Variants in HS3ST4 observed in about 807,000 individuals in gnomAD.
The protein encoded by HS3ST4 is heparan sulfate glucosamine 3-O-sulfotransferase 4.
Under a neutral mutation model 29.2 loss-of-function variants are expected in HS3ST4, and 17 were observed. The ratio of observed to expected loss-of-function variants is 0.58; its 90% CI spans 0.40 to 0.87. The LOEUF (loss-of-function observed/expected upper bound fraction) is 0.87. Among genes scored for constraint, HS3ST4 ranks in the 40% least tolerant of loss-of-function variants. The pLI is 0.00. For missense variants in HS3ST4, 627 were observed against 634.5 expected (o/e 0.99, Z 0.13); for synonymous variants, 314 against 285.7 (o/e 1.10, Z -1.00).
chr16:25,702,161 A>AG (rs34831787), intron 1 of HS3ST4, among the ~76,000 whole-genome samples: 3 of 152,176 alleles, frequency 2.0e-5, no homozygotes, highest in Non-Finnish European at 2.9e-5. Flanking sequence ...AAAAGGAGAA[A>AG]GGGGGGAGGT....
intron 1 of HS3ST4, among the ~76,000 whole-genome samples, chr16:25,925,996 G>A (rs138831875): frequency 3.4e-4 from 51 of 151,946 alleles, no homozygotes; most frequent in Non-Finnish European, 6.0e-4. Flanking sequence ...CTTCCTATCT[G>A]TATAGTGAAT....
intron 1 of HS3ST4, among the ~76,000 whole-genome samples, chr16:26,090,157 A>G (rs1262129556): frequency 6.6e-6 from 1 of 152,148 alleles, no homozygotes; most frequent in Non-Finnish European, 1.5e-5. Context: ...TAATTTTACA[A>G]AAAAATGAAA....
rs869047078 is a variant in HS3ST4 at position 26,064,610 on chromosome 16, C to CTT, written c.735-70979_735-70978dup. 3.4e-3 allele frequency among the ~76,000 whole-genome samples: 303 copies of CTT among 88,898 alleles called. 1 individual carries two copies. Among genetic ancestry groups the CTT allele is most frequent in the South Asian group, 0.011 (23 of 2,084 alleles). The allele number at this position is 88,898 out of a possible 152,430, so 58.3% of individuals were successfully genotyped here. On this transcript the variant is annotated intron_variant, in intron 1 of 1. Transcript: ENST00000331351. ...CAGAGACAGCAGCTAGGATTGTAGTCTTTTTTTTTTTTTTTTTTTTTTTTG... is the reference window on the plus strand; with the variant it reads ...CAGAGACAGCAGCTAGGATTGTAGTCTTTTTTTTTTTTTTTTTTTTTTTTTTG...
intron 1 of HS3ST4, among the ~76,000 whole-genome samples, chr16:26,001,856 AT>A (rs1969214523): frequency 6.6e-6 from 1 of 152,118 alleles, no homozygotes; most frequent in Non-Finnish European, 1.5e-5. Context: ...GGGGAAGAAT[AT>A]TTAGGGGGGT....
At chr16:25,899,599 G>C (rs887221179) in intron 1 of HS3ST4, among the ~76,000 whole-genome samples, 1 of 151,976 alleles carries the variant, frequency 6.6e-6, no homozygotes, top group Non-Finnish European at 1.5e-5. Context: ...TCTGCCGTAC[G>C]TGTTCAAGCA....
In HS3ST4 at chr16:25,723,233, C is replaced by T. The variant is rs141467170; in HGVS notation, c.734+30082C>T. 6.3e-3 allele frequency among the ~76,000 whole-genome samples: 964 copies of T among 152,138 alleles called. 5 individuals carry two copies. Among genetic ancestry groups the T allele is most frequent in the Non-Finnish European group, 9.6e-3 (654 of 68,002 alleles). On this transcript the variant is annotated intron_variant, in intron 1 of 1. Coordinates refer to ENST00000331351, the MANE Select transcript of HS3ST4 (RefSeq NM_006040.3). ...CATGCAAAGCTCTAGAAAATAAACA[C>T]GATAAAGGAAGAAGATGTAGATTTT...
At chr16:25,844,279 T>G (rs1028085800) in intron 1 of HS3ST4, among the ~76,000 whole-genome samples, 1 of 152,256 alleles carries the variant, frequency 6.6e-6, no homozygotes, top group Non-Finnish European at 1.5e-5. Context: ...ATCGTTTTGT[T>G]GCTTATTAAA....
At chr16:26,051,009 C>A (rs753236327) in intron 1 of HS3ST4, among the ~76,000 whole-genome samples, 10 of 152,058 alleles carry the variant, frequency 6.6e-5, no homozygotes, top group Non-Finnish European at 1.5e-4. Flanking sequence ...TCGGGGATCT[C>A]CTTTAGGGAG....
chr16:25,873,542 C>CTCTA (rs796545076), intron 1 of HS3ST4, among the ~76,000 whole-genome samples: 1 of 147,276 alleles, frequency 6.8e-6, no homozygotes, highest in Non-Finnish European at 1.5e-5. Context: ...ATCTATCTTT[C>CTCTA]TCTATCTATC....
intron 1 of HS3ST4, among the ~76,000 whole-genome samples, chr16:26,115,737 G>A (rs766460522): frequency 7.2e-5 from 11 of 151,992 alleles, no homozygotes; most frequent in Admixed American, 2.6e-4. Context: ...TCTGGAATGG[G>A]ACAAAACATT....
chr16:25,799,528 A>C (rs922520710), intron 1 of HS3ST4, among the ~76,000 whole-genome samples: 1 of 152,154 alleles, frequency 6.6e-6, no homozygotes, highest in Non-Finnish European at 1.5e-5. Flanking sequence ...TCTGTGAACC[A>C]TCATCAACAA....
chr16:25,708,218 A>C (rs951255774), intron 1 of HS3ST4, among the ~76,000 whole-genome samples: 3 of 152,238 alleles, frequency 2.0e-5, no homozygotes, highest in African/African-American at 7.2e-5. Context: ...GTCCAAAGTC[A>C]GGCATTTCCT....
At chr16:25,741,365 TA>T (rs66788248) in intron 1 of HS3ST4, among the ~76,000 whole-genome samples, 2,622 of 65,956 alleles carry the variant, frequency 0.04, 80 homozygotes, top group African/African-American at 0.15. Context: ...GAATTCAAGG[TA>T]AAAAAAAAAA....
chr16:25,843,112 C>G (rs981274933), intron 1 of HS3ST4, among the ~76,000 whole-genome samples: 2 of 152,086 alleles, frequency 1.3e-5, no homozygotes, highest in Admixed American at 6.6e-5. Context: ...ATGAACCACC[C>G]CCAAATTTAG....
At chr16:26,051,892 CCCTCCCTCCCTCCCTCCCTCCCTT>C (rs1898351432) in intron 1 of HS3ST4, among the ~76,000 whole-genome samples, 1 of 107,664 alleles carries the variant, frequency 9.3e-6, no homozygotes, top group Non-Finnish European at 1.9e-5. Flanking sequence ...CTCCCTCCCT[CCCTCCCTCCCTCCCTCCCTCCCTT>C]CCTTCCTTCC....
intron 1 of HS3ST4, among the ~76,000 whole-genome samples, chr16:26,057,667 C>G (rs867661922): frequency 1.3e-5 from 2 of 152,192 alleles, no homozygotes; most frequent in Non-Finnish European, 2.9e-5. Context: ...TTGCTTGAAC[C>G]TGGGAGGCGG....
intron 1 of HS3ST4, among the ~76,000 whole-genome samples, chr16:25,959,592 G>A (rs932006421): frequency 4.5e-4 from 69 of 152,244 alleles, no homozygotes; most frequent in African/African-American, 1.6e-3. Flanking sequence ...GTGAAAAAGG[G>A]GCAATTTTTG....
At chr16:26,004,786 C>T (rs1238892257) in intron 1 of HS3ST4, among the ~76,000 whole-genome samples, 1 of 152,086 alleles carries the variant, frequency 6.6e-6, no homozygotes, top group Non-Finnish European at 1.5e-5. Context: ...ATCATGATAC[C>T]TCATGAAGAA....
intron 1 of HS3ST4, among the ~76,000 whole-genome samples, chr16:25,873,467 CATCCATCTATCTCTCTATCT>C (rs1350465116): frequency 6.7e-5 from 7 of 104,146 alleles, no homozygotes; most frequent in African/African-American, 2.7e-4. Flanking sequence ...TTTACCCACC[CATCCATCTATCTCTCTATCT>C]ATCTATCTAT....
Sources: allele counts gnomAD v4.1 joint callset (sites outside exome capture counted in the v4.1 genomes callset), GRCh38; gene constraint gnomAD v4.1.1; transcripts MANE v1.5; gene names NCBI Gene and HGNC (gene_info 2026-07-23, HGNC 2026-07-21).